The following ARHGEF16 variants were observed in gnomAD, a reference collection of about 807,000 sequenced individuals.
The protein encoded by ARHGEF16 is Rho guanine exchange factor (GEF) 16.
In ARHGEF16, 59 loss-of-function variants were observed where a neutral mutation model predicts 74.1. That is an observed-to-expected ratio of 0.80 (90% CI 0.65 to 0.99). ARHGEF16 has a LOEUF of 0.99. ARHGEF16 is among the 50% of genes least tolerant of loss of function. The pLI is 0.00. For missense variants in ARHGEF16, 948 were observed against 986.6 expected, an observed-to-expected ratio of 0.96 and a Z score of 0.52; for synonymous variants, 415 against 412.6, an observed-to-expected ratio of 1.01 and a Z score of -0.07.
chr1:3,478,076 A>C (rs4422946), intron 11 of ARHGEF16, 50 bp downstream of exon 11: 7 of 1,611,398 alleles, frequency 4.3e-6, no homozygotes, highest in Non-Finnish European at 5.1e-6. Flanking sequence ...TGGACACTGG[A>C]CCGCTGGCCC....
rs1461619094 is a variant in ARHGEF16 at position 3,469,567 on chromosome 1, C to T, written c.996C>T (p.Ile332=). 3 of 1,612,888 alleles carry T rather than the reference C, an allele frequency of 1.9e-6. No individual in the cohort carries two copies. Among genetic ancestry groups the T allele is most frequent in the Non-Finnish European group, 2.5e-6 (3 of 1,179,994 alleles). ...AGCACCACCACCTCTTCTCCAACAT[C>T]CTGGATGTCCTGGGTGCCAGTCAGA... The part of the protein sequence containing the change: ...QMEHHHLFSN[I]LDVLGASQRF... The change falls in exon 6 of 15, where the codon ATC becomes ATT. Residue 332 remains isoleucine (I), a synonymous_variant. Coordinates refer to ENST00000378378, the MANE Select transcript of ARHGEF16 (RefSeq NM_014448.4).
In ARHGEF16 at chr1:3,468,044, C is replaced by T. The variant is rs368619010; in HGVS notation, c.804+707C>T. ...GGGACCCCGGCCAGGGCAGGCCCAG[C>T]GTGGGGTGAGGGCAGGCAGCGGGCA... On this transcript the variant is annotated intron_variant, in intron 4 of 14. Transcript: ENST00000378378. Among the ~76,000 whole-genome samples, 16 of 152,256 alleles carry T rather than the reference C, an allele frequency of 1.1e-4. 1 individual carries two copies. The South Asian group carries it at 1.9e-3, about 18-fold the overall frequency.
intron 8 of ARHGEF16, 109 bp downstream of exon 8, chr1:3,473,631 T>C: frequency 6.5e-7 from 1 of 1,532,730 alleles, no homozygotes; most frequent in Non-Finnish European, 8.9e-7. Flanking sequence ...CCTCCAGGCT[T>C]GGCCTATGAT....
chr1:3,474,668 C>T (rs778347737), intron 8 of ARHGEF16, 40 bp from the exon 9 acceptor site: 2 of 1,587,386 alleles, frequency 1.3e-6, no homozygotes, highest in Admixed American at 1.7e-5. Context: ...ACCTGGGATG[C>T]CAGAGGGGAC....
intron 3 of ARHGEF16, 83 bp from the exon 4 acceptor site, chr1:3,467,085 A>C: frequency 1.4e-6 from 2 of 1,400,272 alleles, no homozygotes; most frequent in Non-Finnish European, 9.7e-7. Context: ...CTGTGGGCCT[A>C]GAGGACTCAG....
chr1:3,469,895 G>T (rs1013095146), intron 6 of ARHGEF16, among the ~76,000 whole-genome samples: 1 of 152,220 alleles, frequency 6.6e-6, no homozygotes, highest in African/African-American at 2.4e-5. Flanking sequence ...CCACCAGGAC[G>T]TCCAGGCACA....
At chr1:3,466,345 C>T (rs896797373) in intron 3 of ARHGEF16, among the ~76,000 whole-genome samples, 152 bp downstream of exon 3, 40 of 152,108 alleles carry the variant, frequency 2.6e-4, no homozygotes, top group African/African-American at 8.9e-4. Flanking sequence ...GTCCCAGTGG[C>T]TGGTCTGTTC....
chr1:3,475,831 C>T (rs1639853666), intron 9 of ARHGEF16, 139 bp from the exon 10 acceptor site: 17 of 715,982 alleles, frequency 2.4e-5, no homozygotes, highest in Admixed American at 1.2e-4. Flanking sequence ...TTGATGAGCC[C>T]GTGGCACGGC....
chr1:3,476,658 G>GC (rs913048304), intron 10 of ARHGEF16, among the ~76,000 whole-genome samples: 1 of 152,032 alleles, frequency 6.6e-6, no homozygotes, highest in African/African-American at 2.4e-5. Context: ...TGTTGTCCTG[G>GC]GACAGCCCAG....
chr1:3,470,637 G>A (rs887920989), intron 6 of ARHGEF16, among the ~76,000 whole-genome samples: 1 of 150,376 alleles, frequency 6.6e-6, no homozygotes, highest in Non-Finnish European at 1.5e-5. Flanking sequence ...GGGCAGGGAT[G>A]TCTGTGTATC....
intron 13 of ARHGEF16, 93 bp from the exon 14 acceptor site, chr1:3,479,719 C>T (rs981702173): frequency 1.7e-5 from 27 of 1,558,502 alleles, no homozygotes; most frequent in African/African-American, 6.8e-5. Context: ...TGGGGTGCCC[C>T]GGCCCCGGGG....
chr1:3,459,370 G>C (rs1329263875), intron 1 of ARHGEF16, among the ~76,000 whole-genome samples: 1 of 152,348 alleles, frequency 6.6e-6, no homozygotes, highest in Non-Finnish European at 1.5e-5. Flanking sequence ...GGCGCTGCCC[G>C]ACTCTGGGAG....
intron 1 of ARHGEF16, among the ~76,000 whole-genome samples, chr1:3,462,359 T>C (rs1048244715): frequency 6.6e-6 from 1 of 152,242 alleles, no homozygotes; most frequent in East Asian, 1.9e-4. Context: ...AAAGGTTCCA[T>C]GGACAGTCCG....
In ARHGEF16 at chr1:3,475,967, C is replaced by A. The variant is rs1222836015; in HGVS notation, c.1381-3C>A. The A allele has an allele frequency of 2.6e-6, 4 of 1,550,476 alleles. No homozygotes were observed. The highest frequency in any genetic ancestry group is 3.9e-5 in the Admixed American group (2 of 51,088). ...CCTCTCACACGGGAACCATGCCCTG[C>A]AGCTGGTGAGGCAGTGCAACGAGGG... On this transcript the variant is annotated splice_polypyrimidine_tract_variant and splice_region_variant and intron_variant, in intron 9 of 14. Transcript: ENST00000378378.
chr1:3,476,706 T>C (rs956960090), intron 10 of ARHGEF16, among the ~76,000 whole-genome samples: 9 of 152,220 alleles, frequency 5.9e-5, no homozygotes, highest in Non-Finnish European at 1.3e-4. Context: ...GGGTCTCCTG[T>C]CCTGGTGCCC....
In ARHGEF16 at chr1:3,469,461, TCTC is replaced by T. The variant is rs765928654; in HGVS notation, c.893_895del (p.Ser298del). On this transcript the variant is annotated inframe_deletion, in exon 6 of 15. Coordinates refer to ENST00000378378, the MANE Select transcript of ARHGEF16 (RefSeq NM_014448.4). Reference sequence around the variant, plus strand: ...ATGTTCGAGATCCTCACGTCGGAGTTCTCCTACCAGCACAGCCTGAGCATCCTG... The same window carrying T: ...ATGTTCGAGATCCTCACGTCGGAGTTCTACCAGCACAGCCTGAGCATCCTG... 2.5e-5 allele frequency: 40 copies of T among 1,612,964 alleles called. No individual in the cohort carries two copies. Among genetic ancestry groups the T allele is most frequent in the South Asian group, 8.8e-5 (8 of 91,074 alleles).
At chr1:3,459,770 G>A (rs1341829401) in intron 1 of ARHGEF16, among the ~76,000 whole-genome samples, 1 of 152,200 alleles carries the variant, frequency 6.6e-6, no homozygotes, top group East Asian at 1.9e-4. Flanking sequence ...AACAGGACGT[G>A]GACAAGGCCC....
intron 4 of ARHGEF16, 56 bp downstream of exon 4, chr1:3,467,393 C>T (rs2100742592): frequency 1.3e-6 from 2 of 1,498,796 alleles, no homozygotes; most frequent in Non-Finnish European, 1.8e-6. Context: ...AGCCACAGTC[C>T]CCCTGCTGTT....
At chr1:3,469,728 T>C in intron 6 of ARHGEF16, 135 bp downstream of exon 6, 1 of 1,114,536 alleles carries the variant, frequency 9.0e-7, no homozygotes, top group Non-Finnish European at 1.3e-6. Flanking sequence ...GAGCAGCTGC[T>C]GGCTCCCGCG....
Sources: gnomAD v4.1 joint callset for allele counts (sites outside exome capture counted in the v4.1 genomes callset) on GRCh38, gnomAD v4.1.1 for gene constraint, MANE v1.5 for transcripts, NCBI Gene and HGNC (gene_info 2026-07-23, HGNC 2026-07-21) for gene names.